Variants in AFAP1L2 observed in about 807,000 individuals in gnomAD.
AFAP1L2 encodes the protein actin filament associated protein 1 like 2, also known as actin filament-associated protein 1-like 2.
AFAP1L2 carries 46 observed loss-of-function variants against 99.3 expected under a neutral mutation model. That is an observed-to-expected ratio of 0.46 (90% CI 0.37 to 0.59). The LOEUF (loss-of-function observed/expected upper bound fraction) is 0.59. AFAP1L2 is among the 20% of genes least tolerant of loss of function. AFAP1L2 has a pLI of 0.00. For synonymous variants in AFAP1L2, 397 were observed against 419.1 expected (o/e 0.95, Z 0.64); for missense variants, 959 against 1,034.9 (o/e 0.93, Z 1.01).
In AFAP1L2 at chr10:114,300,625, C is replaced by T. The variant is rs767611646; in HGVS notation, c.1608G>A (p.Val536=). 1.2e-6 allele frequency: 2 copies of T among 1,613,724 alleles called. No homozygotes were observed. The highest frequency in any genetic ancestry group is 8.5e-7 in the Non-Finnish European group (1 of 1,179,794). ...ACTTGACAGGTGTGAGGTCCAGGTA[C>T]ACTCGGTCAGATTCTCTCTCATTTG... The part of the protein sequence containing the change: ...DDPNERESDR[V]YLDLTPVKSF... Residue 536 remains valine (V), a synonymous_variant, in exon 14 of 19, where the codon GTG becomes GTA. Transcript: ENST00000304129.
chr10:114,325,975 C>T (rs560387482), intron 4 of AFAP1L2: 11 of 1,289,290 alleles, frequency 8.5e-6, no homozygotes, highest in East Asian at 5.6e-5. Context: ...ACTCCGTTCC[C>T]GTCAGGTGGG....
intron 1 of AFAP1L2, among the ~76,000 whole-genome samples, chr10:114,375,263 G>A (rs2137151575): frequency 6.6e-6 from 1 of 152,252 alleles, no homozygotes; most frequent in African/African-American, 2.4e-5. Context: ...CTACTTCCAG[G>A]CTACCATGCC....
downstream of AFAP1L2, among the ~76,000 whole-genome samples, chr10:114,292,973 C>T (rs952852298): frequency 6.6e-6 from 1 of 152,192 alleles, no homozygotes; most frequent in Admixed American, 6.5e-5. Flanking sequence ...TCCCAAAGTT[C>T]TGGGATTACA....
intron 4 of AFAP1L2, among the ~76,000 whole-genome samples, chr10:114,324,207 G>A (rs374864362): frequency 8.5e-4 from 130 of 152,330 alleles, no homozygotes; most frequent in African/African-American, 2.9e-3. Flanking sequence ...CAGACAGGTC[G>A]TGAATGTGTA....
chr10:114,288,802 A>C, the AFAP1L2 span: 1 of 816,442 alleles, frequency 1.2e-6, no homozygotes, highest in Non-Finnish European at 1.9e-6. Flanking sequence ...TAAAAGGAAG[A>C]CATAGAGGGT....
intron 7 of AFAP1L2, among the ~76,000 whole-genome samples, chr10:114,313,062 G>T (rs1156784415): frequency 6.6e-6 from 1 of 151,982 alleles, no homozygotes; most frequent in Non-Finnish European, 1.5e-5. Flanking sequence ...GTGGAGTGGG[G>T]TGGGGTGCGG....
chr10:114,284,793 C>T, the AFAP1L2 span: 18 of 1,437,132 alleles, frequency 1.3e-5, no homozygotes, highest in African/African-American at 2.5e-4. Context: ...GCTGCACCCA[C>T]ACCTCTGGCC....
At chr10:114,307,438 A>G (rs1207856709) in intron 10 of AFAP1L2, among the ~76,000 whole-genome samples, 2 of 151,956 alleles carry the variant, frequency 1.3e-5, no homozygotes, top group Admixed American at 6.6e-5. Context: ...TCCCTCAGGC[A>G]GGCTGTGAGC....
intron 1 of AFAP1L2, among the ~76,000 whole-genome samples, chr10:114,350,002 G>A (rs571540311): frequency 9.2e-4 from 140 of 152,268 alleles, no homozygotes; most frequent in Non-Finnish European, 1.6e-3. Flanking sequence ...CGTTGAAACT[G>A]AGACAGGACA....
At chr10:114,362,040 T>C (rs570144540) in intron 1 of AFAP1L2, among the ~76,000 whole-genome samples, 1 of 152,172 alleles carries the variant, frequency 6.6e-6, no homozygotes, top group Admixed American at 6.5e-5. Flanking sequence ...GAGAGCTGGA[T>C]TGGAATTTAG....
At chr10:114,345,158 A>G (rs2049346584) in intron 1 of AFAP1L2, among the ~76,000 whole-genome samples, 2 of 149,146 alleles carry the variant, frequency 1.3e-5, no homozygotes, top group Admixed American at 1.3e-4. Flanking sequence ...TTGAGCCCTG[A>G]AAGTACATGT....
At chr10:114,306,094 C>G (rs1589994125) in intron 10 of AFAP1L2, among the ~76,000 whole-genome samples, 2 of 64,128 alleles carry the variant, frequency 3.1e-5, no homozygotes, top group African/African-American at 1.4e-4. Context: ...GAAGGAGATG[C>G]AGATGCAGGA....
At chr10:114,282,869 C>T in the AFAP1L2 span, among the ~76,000 whole-genome samples, 1 of 152,114 alleles carries the variant, frequency 6.6e-6, no homozygotes, top group Non-Finnish European at 1.5e-5. Context: ...AAAGCCAGCA[C>T]CAAACTCAGG....
the AFAP1L2 span, chr10:114,289,444 G>C: frequency 6.2e-7 from 1 of 1,614,134 alleles, no homozygotes; most frequent in South Asian, 1.1e-5. Context: ...AGCTTACGCC[G>C]ACCTGCGGTA....
At chr10:114,397,778 T>C (rs1365678089) in intron 1 of AFAP1L2, among the ~76,000 whole-genome samples, 2 of 152,178 alleles carry the variant, frequency 1.3e-5, no homozygotes, top group Admixed American at 6.5e-5. Context: ...TAGCCTCTCT[T>C]GCTTTAATCT....
At chr10:114,297,535 A>C in intron 16 of AFAP1L2, 122 bp from the exon 17 acceptor site, 2 of 1,060,888 alleles carry the variant, frequency 1.9e-6, no homozygotes, top group Non-Finnish European at 2.7e-6. Context: ...TCTGGCCCCA[A>C]CACTCAGAGC....
intron 1 of AFAP1L2, among the ~76,000 whole-genome samples, chr10:114,403,127 G>C (rs917064345): frequency 6.6e-6 from 1 of 152,210 alleles, no homozygotes; most frequent in Non-Finnish European, 1.5e-5. Flanking sequence ...AAAACCACCG[G>C]GTTAGAAATG....
intron 1 of AFAP1L2, among the ~76,000 whole-genome samples, chr10:114,364,496 C>CTCTGTTG (rs2052917706): frequency 6.6e-6 from 1 of 152,088 alleles, no homozygotes; most frequent in Admixed American, 6.5e-5. Context: ...CCATCTCTGC[C>CTCTGTTG]TCTGTTGTCA....
intron 1 of AFAP1L2, among the ~76,000 whole-genome samples, chr10:114,378,452 T>A (rs1021925817): frequency 6.6e-6 from 1 of 152,194 alleles, no homozygotes; most frequent in Admixed American, 6.5e-5. Flanking sequence ...GGCAAATGTT[T>A]AAAATATTGC....
Sources: allele counts gnomAD v4.1 joint callset (sites outside exome capture counted in the v4.1 genomes callset), GRCh38; gene constraint gnomAD v4.1.1; transcripts MANE v1.5; gene names NCBI Gene and HGNC (gene_info 2026-07-23, HGNC 2026-07-21).